Variants in DAB1 observed in about 807,000 individuals in gnomAD.
The protein encoded by DAB1 is DAB adaptor protein 1, also known as disabled homolog 1.
Under a neutral mutation model 64.6 loss-of-function variants are expected in DAB1, and 15 were observed. The observed-to-expected ratio is 0.23, with a 90% CI of 0.16 to 0.36. The LOEUF (loss-of-function observed/expected upper bound fraction) is 0.36, where lower values mean the gene tolerates loss of function less well. DAB1 is among the 10% of genes least tolerant of loss of function. The pLI is 1.00. For synonymous variants in DAB1, 235 were observed against 251.9 expected (o/e 0.93, Z 0.64); for missense variants, 596 against 706.7 (o/e 0.84, Z 1.78).
intron 1 of DAB1, among the ~76,000 whole-genome samples, chr1:57,882,184 A>C (rs1337364357): frequency 6.6e-6 from 1 of 152,182 alleles, no homozygotes; most frequent in African/African-American, 2.4e-5. Flanking sequence ...GGGTGAGGGG[A>C]AACAGTGCTT....
At chr1:58,456,460 G>A (rs1008083245) in intron 3 of DAB1, among the ~76,000 whole-genome samples, 6 of 152,192 alleles carry the variant, frequency 3.9e-5, no homozygotes, top group African/African-American at 1.2e-4. Flanking sequence ...ACTATGGTCC[G>A]AAGCAGAGCA....
At chr1:58,402,047 A>G (rs1644574246) in intron 3 of DAB1, among the ~76,000 whole-genome samples, 1 of 152,230 alleles carries the variant, frequency 6.6e-6, no homozygotes, top group South Asian at 2.1e-4. Flanking sequence ...GAGTATACTA[A>G]GAAATCCATG....
At chr1:58,227,900 C>G (rs985879099) in intron 4 of DAB1, among the ~76,000 whole-genome samples, 3 of 152,204 alleles carry the variant, frequency 2.0e-5, no homozygotes, top group Admixed American at 2.0e-4. Flanking sequence ...GCATTTCCCC[C>G]CTCTGCTGAC....
chr1:57,217,057 G>C (rs1666479271), intron 2 of DAB1, among the ~76,000 whole-genome samples: 2 of 152,278 alleles, frequency 1.3e-5, no homozygotes, highest in South Asian at 4.1e-4. Flanking sequence ...CTTACCTCCT[G>C]GGTGATTTTG....
intron 7 of DAB1, among the ~76,000 whole-genome samples, chr1:57,464,708 C>A (rs1686898123): frequency 6.6e-6 from 1 of 152,148 alleles, no homozygotes; most frequent in South Asian, 2.1e-4. Context: ...ATAAGAAATT[C>A]TTCCTGGAGT....
intron 7 of DAB1, among the ~76,000 whole-genome samples, chr1:57,502,293 T>C (rs1234083946): frequency 1.7e-5 from 2 of 119,722 alleles, no homozygotes; most frequent in South Asian, 2.8e-4. Flanking sequence ...CACTCCAGCC[T>C]GGGCGACACA....
intron 7 of DAB1, among the ~76,000 whole-genome samples, chr1:57,502,006 G>A (rs561947343): frequency 1.4e-3 from 211 of 152,058 alleles, no homozygotes; most frequent in African/African-American, 4.9e-3. Flanking sequence ...CCGCAGTACC[G>A]GAGAGGACTC....
chr1:57,467,080 G>A (rs1686977014), intron 7 of DAB1, among the ~76,000 whole-genome samples: 1 of 152,110 alleles, frequency 6.6e-6, no homozygotes, highest in Admixed American at 6.6e-5. Flanking sequence ...TTATACAAAG[G>A]TAAGAATCAG....
chr1:57,230,299 T>G (rs1437890698), intron 2 of DAB1, among the ~76,000 whole-genome samples: 2 of 142,238 alleles, frequency 1.4e-5, no homozygotes, highest in Admixed American at 1.4e-4. Context: ...CCCTGAAGAT[T>G]ACAACTACCA....
rs146518827 is a variant in DAB1 at position 58,462,985 on chromosome 1, T to C, written n.257+43075A>G. Among the ~76,000 whole-genome samples the C allele has an allele frequency of 1.3e-4, 20 of 152,318 alleles. No individual in the cohort carries two copies. The East Asian group carries it at 3.1e-3, about 23-fold the overall frequency. ...GGTAGTTTATGTACTATTTATCTCA[T>C]AGGATGATTGTAAGACTCAAATGAA... On this transcript the variant is annotated intron_variant and non_coding_transcript_variant, in intron 3 of 20. Transcript: ENST00000485760.
intron 1 of DAB1, among the ~76,000 whole-genome samples, chr1:57,855,147 G>A (rs2101932884): frequency 6.6e-6 from 1 of 152,262 alleles, no homozygotes; most frequent in East Asian, 1.9e-4. Context: ...ACATCTATGA[G>A]TGCACAGCAA....
intron 1 of DAB1, chr1:58,536,842 A>G: frequency 1.5e-6 from 1 of 689,044 alleles, no homozygotes; most frequent in Non-Finnish European, 2.6e-6. Flanking sequence ...AAATACCTGA[A>G]TTTGTATGAT....
chr1:57,472,363 A>C (rs1234040544), intron 7 of DAB1, among the ~76,000 whole-genome samples: 1 of 152,228 alleles, frequency 6.6e-6, no homozygotes, highest in Non-Finnish European at 1.5e-5. Flanking sequence ...AAACTAAGGG[A>C]GGAGACCACC....
intron 4 of DAB1, among the ~76,000 whole-genome samples, chr1:58,276,361 T>C (rs1231020627): frequency 6.6e-6 from 1 of 152,182 alleles, no homozygotes; most frequent in Non-Finnish European, 1.5e-5. Context: ...AAAAAAGCAA[T>C]GTGGCCTCTT....
At chr1:58,457,604 G>A (rs894441485) in intron 3 of DAB1, among the ~76,000 whole-genome samples, 9 of 152,174 alleles carry the variant, frequency 5.9e-5, no homozygotes, top group Admixed American at 1.3e-4. Flanking sequence ...GAAAAATAAC[G>A]AAGGTGACAT....
intron 4 of DAB1, among the ~76,000 whole-genome samples, chr1:58,279,592 A>G (rs1293216046): frequency 6.6e-6 from 1 of 152,220 alleles, no homozygotes; most frequent in Admixed American, 6.5e-5. Context: ...GTACGTCTCT[A>G]AAGTAGCAAC....
chr1:57,776,306 G>T (rs534366952), intron 6 of DAB1, among the ~76,000 whole-genome samples: 1 of 151,470 alleles, frequency 6.6e-6, no homozygotes, highest in Non-Finnish European at 1.5e-5. Flanking sequence ...AAAAAAATCA[G>T]AAATCTGAAA....
At chr1:57,541,736 C>T (rs1443759773) in intron 7 of DAB1, among the ~76,000 whole-genome samples, 1 of 152,148 alleles carries the variant, frequency 6.6e-6, no homozygotes, top group Non-Finnish European at 1.5e-5. Context: ...AGGTAATGAA[C>T]ATTTGTTGAC....
intron 6 of DAB1, among the ~76,000 whole-genome samples, chr1:57,665,849 C>CTGTGTGTGTGTGTGTG (rs397862533): frequency 2.9e-5 from 4 of 137,174 alleles, no homozygotes; most frequent in African/African-American, 1.1e-4. Context: ...TTTTAATTAT[C>CTGTGTGTGTGTGTGTG]TGTGTGTGTG....
Sources: gnomAD v4.1 joint callset for allele counts (sites outside exome capture counted in the v4.1 genomes callset) on GRCh38, gnomAD v4.1.1 for gene constraint, MANE v1.5 for transcripts, NCBI Gene and HGNC (gene_info 2026-07-23, HGNC 2026-07-21) for gene names.